The following ADAMTS6 variants were observed in gnomAD, a reference collection of about 807,000 sequenced individuals.
The protein encoded by ADAMTS6 is ADAM metallopeptidase with thrombospondin type 1 motif 6.
ADAMTS6 carries 23 observed loss-of-function variants against 144.3 expected under a neutral mutation model. The observed-to-expected ratio is 0.16, with a 90% CI of 0.11 to 0.23. The LOEUF is 0.23. Among genes scored for constraint, ADAMTS6 ranks in the 10% least tolerant of loss-of-function variants. ADAMTS6 has a pLI of 1.00. For missense variants in ADAMTS6, 999 were observed against 1,379.6 expected (o/e 0.72, Z 4.37); for synonymous variants, 444 against 457.5 (o/e 0.97, Z 0.38).
At position 65,375,492 on chromosome 5, in the gene ADAMTS6, C is replaced by CA. The variant is rs542950947; in HGVS notation, c.1074-41408dup. Among the ~76,000 whole-genome samples, 432 of 151,856 alleles carry CA rather than the reference C, an allele frequency of 2.8e-3. 5 individuals carry two copies. The highest frequency in any genetic ancestry group is 1.0e-2 in the African/African-American group (413 of 41,344). ...TCTCAAAAGAAGACATTTATGCAGC[C>CA]AAAAAACACATGAAAAAATGCTCAC... On this transcript the variant is annotated intron_variant, in intron 7 of 24. Transcript: ENST00000381055.
intron 7 of ADAMTS6, among the ~76,000 whole-genome samples, chr5:65,392,721 G>A (rs1173379684): frequency 6.6e-6 from 1 of 151,968 alleles, no homozygotes; most frequent in Non-Finnish European, 1.5e-5. Flanking sequence ...AGAATTTAAA[G>A]GTCACTTTCA....
chr5:65,319,693 A>C (rs1256267760), intron 9 of ADAMTS6, among the ~76,000 whole-genome samples: 2 of 74,958 alleles, frequency 2.7e-5, no homozygotes, highest in African/African-American at 5.6e-5. Flanking sequence ...GAGGGAAGGA[A>C]GGAAGGGAGG....
At chr5:65,310,648 A>C (rs1441032917) in intron 9 of ADAMTS6, among the ~76,000 whole-genome samples, 1 of 152,250 alleles carries the variant, frequency 6.6e-6, no homozygotes, top group Non-Finnish European at 1.5e-5. Flanking sequence ...GAAATGAAGA[A>C]TAGTATATGA....
chr5:65,283,871 C>T (rs1699896856), intron 11 of ADAMTS6, among the ~76,000 whole-genome samples: 1 of 152,072 alleles, frequency 6.6e-6, no homozygotes, highest in Non-Finnish European at 1.5e-5. Context: ...GGAAGCAGAA[C>T]AATTTGTTAC....
chr5:65,443,466 C>G (rs751153684), intron 7 of ADAMTS6, among the ~76,000 whole-genome samples: 4 of 151,080 alleles, frequency 2.6e-5, no homozygotes, highest in Non-Finnish European at 4.4e-5. Flanking sequence ...ACAAAATATA[C>G]AAAAAATTAG....
At chr5:65,316,726 A>G (rs949924406) in intron 9 of ADAMTS6, among the ~76,000 whole-genome samples, 1 of 152,216 alleles carries the variant, frequency 6.6e-6, no homozygotes, top group Non-Finnish European at 1.5e-5. Flanking sequence ...AATAACTAAT[A>G]TTATTAAGGA....
chr5:65,424,130 T>C (rs1201047801), intron 7 of ADAMTS6, among the ~76,000 whole-genome samples: 1 of 152,190 alleles, frequency 6.6e-6, no homozygotes, highest in Non-Finnish European at 1.5e-5. Flanking sequence ...TCTTTTCTTT[T>C]TCCTTGAAGC....
intron 2 of ADAMTS6, among the ~76,000 whole-genome samples, chr5:65,473,373 C>A (rs951902604): frequency 6.6e-6 from 1 of 152,024 alleles, no homozygotes; most frequent in Non-Finnish European, 1.5e-5. Flanking sequence ...CTAAAATCCA[C>A]GGGATGTTAA....
At chr5:65,244,870 G>T (rs1159168876) in intron 14 of ADAMTS6, among the ~76,000 whole-genome samples, 1 of 152,092 alleles carries the variant, frequency 6.6e-6, no homozygotes, top group Non-Finnish European at 1.5e-5. Flanking sequence ...AACAATTTGG[G>T]TTCTAGACTT....
At position 65,150,862 on chromosome 5, in the gene ADAMTS6, C is replaced by T. The variant is rs1752108813; in HGVS notation, c.*974G>A. The T allele has an allele frequency of 6.6e-6, 1 of 152,668 alleles. No individual in the cohort carries two copies. The highest frequency in any genetic ancestry group is 1.5e-5 in the Non-Finnish European group (1 of 68,058). 9.5% of individuals were successfully genotyped at this position (152,668 alleles called of 1,614,324 possible). A position where few individuals can be genotyped will look rare whatever the true frequency, so the allele number is the denominator to read the frequency against. ...TGGTATCATCTCAGTAAGCTCAACA[C>T]ACGTGCAGCAATCCAAAGGGCAGAA... On this transcript the variant is annotated 3_prime_UTR_variant, in exon 25 of 25. Transcript: ENST00000381055.
intron 1 of ADAMTS6, among the ~76,000 whole-genome samples, chr5:65,476,968 C>T (rs929955716): frequency 3.3e-5 from 5 of 152,172 alleles, no homozygotes; most frequent in African/African-American, 7.2e-5. Flanking sequence ...AACAACTTCA[C>T]ATACAGTCAT....
intron 24 of ADAMTS6, among the ~76,000 whole-genome samples, chr5:65,167,112 T>A: frequency 7.0e-6 from 1 of 143,170 alleles, no homozygotes; most frequent in African/African-American, 2.6e-5. Flanking sequence ...TTTGAAAGGA[T>A]CAACAAAATT....
intron 5 of ADAMTS6, 116 bp from the exon 6 acceptor site, chr5:65,452,332 C>G (rs1294110618): frequency 8.9e-6 from 7 of 786,588 alleles, no homozygotes; most frequent in Non-Finnish European, 1.2e-5. Flanking sequence ...ATACATTACC[C>G]CATATCACTT....
chr5:65,220,574 G>A (rs1449907429), intron 18 of ADAMTS6, among the ~76,000 whole-genome samples: 1 of 151,898 alleles, frequency 6.6e-6, no homozygotes, highest in Non-Finnish European at 1.5e-5. Context: ...GTGAAACCCC[G>A]TTTCTACTAA....
intron 15 of ADAMTS6, among the ~76,000 whole-genome samples, chr5:65,228,559 C>G (rs1757897994): frequency 6.6e-6 from 1 of 151,878 alleles, no homozygotes; most frequent in African/African-American, 2.4e-5. Flanking sequence ...TATGGGACTC[C>G]AGCAGAAAAG....
At chr5:65,475,629 G>A (rs904395956) in intron 1 of ADAMTS6, among the ~76,000 whole-genome samples, 2 of 152,040 alleles carry the variant, frequency 1.3e-5, no homozygotes, top group South Asian at 2.1e-4. Flanking sequence ...GATAGATCCC[G>A]GAAGACGAAT....
intron 12 of ADAMTS6, among the ~76,000 whole-genome samples, chr5:65,267,481 G>T (rs1183001807): frequency 6.6e-6 from 1 of 151,928 alleles, no homozygotes; most frequent in East Asian, 1.9e-4. Flanking sequence ...TTAAATAAAT[G>T]TTTTCAACAC....
At chr5:65,302,092 CAAA>C (rs1182825165) in intron 9 of ADAMTS6, among the ~76,000 whole-genome samples, 217 of 19,934 alleles carry the variant, frequency 0.011, no homozygotes, top group African/African-American at 0.034. Flanking sequence ...GCTCTGTCTC[CAAA>C]AAAAAAAAAA....
intron 7 of ADAMTS6, among the ~76,000 whole-genome samples, chr5:65,416,942 C>G (rs1008579568): frequency 6.6e-6 from 1 of 151,876 alleles, no homozygotes; most frequent in African/African-American, 2.4e-5. Context: ...AAACTACAGA[C>G]CAATATCCCT....
Sources: allele counts gnomAD v4.1 joint callset (sites outside exome capture counted in the v4.1 genomes callset), GRCh38; gene constraint gnomAD v4.1.1; transcripts MANE v1.5; gene names NCBI Gene and HGNC (gene_info 2026-07-23, HGNC 2026-07-21).